The following KPNA7 variants were observed in gnomAD, a reference collection of about 807,000 sequenced individuals.
The protein encoded by KPNA7 is karyopherin subunit alpha 7.
Under a neutral mutation model 53.7 loss-of-function variants are expected in KPNA7, and 54 were observed. The ratio of observed to expected loss-of-function variants is 1.01; its 90% CI spans 0.81 to 1.26. The LOEUF (loss-of-function observed/expected upper bound fraction) is 1.26, where lower values mean the gene tolerates loss of function less well. KPNA7 is among the 50% of genes most tolerant of loss of function. KPNA7 has a pLI of 0.00. For missense variants in KPNA7, 640 were observed against 644.5 expected (o/e 0.99, Z 0.07); for synonymous variants, 276 against 259.3 (o/e 1.06, Z -0.62).
the KPNA7 span, among the ~76,000 whole-genome samples, chr7:99,148,247 T>C: frequency 6.6e-5 from 10 of 152,320 alleles, no homozygotes. Flanking sequence ...TCAAGTGTCC[T>C]CTTTGCAATG....
Position 99,188,575 on chromosome 7 carries a change from A to C in KPNA7, c.637-12T>G. On this transcript the variant is annotated splice_polypyrimidine_tract_variant and intron_variant, in intron 6 of 10. Coordinates refer to ENST00000327442, the MANE Select transcript of KPNA7 (RefSeq NM_001145715.3). ...CGCAGAAATGTGATCTGTAACAAGGAGACTGCCTCCAGCATTGGGTGCAAA... is the reference window on the plus strand; with the variant it reads ...CGCAGAAATGTGATCTGTAACAAGGCGACTGCCTCCAGCATTGGGTGCAAA... 6.5e-7 allele frequency: 1 copy of C among 1,548,152 alleles called. No individual in the cohort carries two copies. Among genetic ancestry groups the C allele is most frequent in the South Asian group, 1.2e-5 (1 of 84,034 alleles).
the KPNA7 span, among the ~76,000 whole-genome samples, chr7:99,147,504 TA>T: frequency 1.3e-5 from 2 of 152,188 alleles, no homozygotes; most frequent in Non-Finnish European, 2.9e-5. Flanking sequence ...TAAAAGTTGA[TA>T]AAAGTCCGGG....
upstream of KPNA7, among the ~76,000 whole-genome samples, chr7:99,208,741 A>G (rs1790945951): frequency 1.3e-5 from 2 of 152,226 alleles, no homozygotes; most frequent in South Asian, 4.1e-4. Context: ...TAGGCTGTGA[A>G]CACTGTGGGA....
chr7:99,167,308 G>A, the KPNA7 span, among the ~76,000 whole-genome samples: 1 of 152,182 alleles, frequency 6.6e-6, no homozygotes, highest in East Asian at 1.9e-4. Flanking sequence ...CCCTAGACCA[G>A]TCCGTAGCCT....
At chr7:99,194,050 G>A (rs1018552660) in intron 5 of KPNA7, among the ~76,000 whole-genome samples, 5 of 152,098 alleles carry the variant, frequency 3.3e-5, no homozygotes, top group African/African-American at 7.2e-5. Context: ...GGAGTCCTTG[G>A]AGGTCTAATC....
At chr7:99,153,297 C>A in the KPNA7 span, among the ~76,000 whole-genome samples, 1 of 152,184 alleles carries the variant, frequency 6.6e-6, no homozygotes, top group Non-Finnish European at 1.5e-5. Flanking sequence ...GTGGCTCATG[C>A]CTGTAATCCC....
intron 6 of KPNA7, among the ~76,000 whole-genome samples, chr7:99,189,144 C>T (rs1321063692): frequency 6.6e-6 from 1 of 152,126 alleles, no homozygotes; most frequent in East Asian, 1.9e-4. Flanking sequence ...TTTCATTTTT[C>T]ACTGACAACA....
chr7:99,160,874 C>CTT, the KPNA7 span, among the ~76,000 whole-genome samples: 3 of 147,848 alleles, frequency 2.0e-5, no homozygotes, highest in African/African-American at 5.0e-5. Context: ...TGTATGCCAC[C>CTT]TTTTTTTTTT....
rs149883499 is a variant in KPNA7 at position 99,185,144 on chromosome 7, C to T, written c.919G>A (p.Val307Met). The T allele has an allele frequency of 4.9e-5, 76 of 1,551,892 alleles. No individual in the cohort carries two copies. The Admixed American group carries it at 9.6e-4, about 20-fold the overall frequency. Residue 307 changes from valine (V) to methionine (M), a missense_variant, in exon 8 of 11, where the codon GTG becomes ATG. Physicochemically the swap from Val to Met is conservative, Grantham distance 21 (BLOSUM62 1). Transcript: ENST00000327442. ...LNVLTPSLRT[V>M]GNIVTGTDEQ... ...TCTGTGCCCGTGACAATGTTCCCCA[C>T]GGTGCGGAGAGAAGGAGTCTGGAAG...
In KPNA7 at chr7:99,196,246, T is replaced by C. The variant is rs889666440; in HGVS notation, c.202-80A>G. 3.3e-5 allele frequency: 33 copies of C among 988,408 alleles called. No individual in the cohort carries two copies. The Admixed American group carries it at 3.9e-4, about 12-fold the overall frequency. 61.2% of individuals were successfully genotyped at this position (988,408 alleles called of 1,614,324 possible). ...TCACCTACTCTAGCCATCATCCATC[T>C]GATTAAAACAGCCTGGCTTGAACAG... On this transcript the variant is annotated intron_variant, in intron 3 of 10. Coordinates refer to ENST00000327442, the MANE Select transcript of KPNA7 (RefSeq NM_001145715.3).
rs1379771114 is a variant in KPNA7 at position 99,199,026 on chromosome 7, A to G, written c.202-2860T>C. ...AAAAGAATAAAATGCTTAGTAATAA[A>G]TTTATTGAAAGAAATCCAAGAGTTA... On this transcript the variant is annotated intron_variant, in intron 3 of 10. Coordinates refer to ENST00000327442, the MANE Select transcript of KPNA7 (RefSeq NM_001145715.3). Among the ~76,000 whole-genome samples, 11 of 141,016 alleles carry G rather than the reference A, an allele frequency of 7.8e-5. 1 individual carries two copies. The highest frequency in any genetic ancestry group is 1.2e-4 in the Non-Finnish European group (8 of 65,752). The allele number at this position is 141,016 out of a possible 152,430, so 92.5% of individuals were successfully genotyped here.
At chr7:99,163,235 TTATTG>T in the KPNA7 span, among the ~76,000 whole-genome samples, 8 of 150,806 alleles carry the variant, frequency 5.3e-5, no homozygotes, top group African/African-American at 1.2e-4. Flanking sequence ...CAAACAAAAA[TTATTG>T]TATTGAAGTC....
chr7:99,190,893 T>G (rs889718893), intron 6 of KPNA7, among the ~76,000 whole-genome samples: 3 of 151,878 alleles, frequency 2.0e-5, no homozygotes, highest in Non-Finnish European at 4.4e-5. Flanking sequence ...CCTGGCTGGG[T>G]GACATATACA....
At chr7:99,187,661 C>T (rs9768797) in intron 7 of KPNA7, among the ~76,000 whole-genome samples, 1 of 150,524 alleles carries the variant, frequency 6.6e-6, no homozygotes, top group East Asian at 2.0e-4. Context: ...TCAAGGAATT[C>T]TCCTGCCTCA....
At chr7:99,195,976 G>T in intron 4 of KPNA7, 108 bp downstream of exon 4, 1 of 823,752 alleles carries the variant, frequency 1.2e-6, no homozygotes, top group Non-Finnish European at 2.0e-6. Flanking sequence ...GTGTTTTACG[G>T]GCATGTTGCC....
the KPNA7 span, among the ~76,000 whole-genome samples, chr7:99,163,383 A>ATATATATATATATATT: frequency 1.2e-4 from 5 of 40,814 alleles, no homozygotes; most frequent in Non-Finnish European, 1.7e-4. Context: ...ATATATATAT[A>ATATATATATATATATT]TTTTTTTTTT....
At chr7:99,197,526 C>A (rs529272104) in intron 3 of KPNA7, among the ~76,000 whole-genome samples, 1 of 152,168 alleles carries the variant, frequency 6.6e-6, no homozygotes, top group East Asian at 1.9e-4. Context: ...AGATGTTGAA[C>A]TAGACAAAGA....
rs1563070374 is a variant in KPNA7, at chr7:99,182,010, CCT to C, written c.1188_1189del (p.Ala398HisfsTer27). 6.5e-7 allele frequency: 1 copy of C among 1,549,232 alleles called. No individual in the cohort carries two copies. Among genetic ancestry groups the C allele is most frequent in the South Asian group, 1.2e-5 (1 of 83,960 alleles). ...CTGGATCAGCTGATCCATGGTGGCC[CCT>C]GTTGCAAAGTTCGCCACCATCCAGA... On this transcript the variant is annotated frameshift_variant, in exon 9 of 11. Transcript: ENST00000327442. LOFTEE classifies it high-confidence loss of function.
chr7:99,153,928 A>G, the KPNA7 span, among the ~76,000 whole-genome samples: 4 of 152,102 alleles, frequency 2.6e-5, no homozygotes, highest in African/African-American at 7.2e-5. Context: ...ATATCACACT[A>G]CTGCACTTCA....
Sources: allele counts gnomAD v4.1 joint callset (sites outside exome capture counted in the v4.1 genomes callset), GRCh38; gene constraint gnomAD v4.1.1; transcripts MANE v1.5; gene names NCBI Gene and HGNC (gene_info 2026-07-23, HGNC 2026-07-21).